ST6GALNAC3: variants seen among roughly 807,000 people sequenced by gnomAD.
The protein encoded by ST6GALNAC3 is ST6 N-acetylgalactosaminide alpha-2,6-sialyltransferase 3, also known as alpha-N-acetylgalactosaminide alpha-2,6-sialyltransferase 3.
ST6GALNAC3 carries 25 observed loss-of-function variants against 32.7 expected under a neutral mutation model. That is an observed-to-expected ratio of 0.76 (90% CI 0.56 to 1.07). ST6GALNAC3 has a LOEUF of 1.07. Among genes scored for constraint, ST6GALNAC3 ranks in the 50% least tolerant of loss-of-function variants. The pLI is 0.00. For synonymous variants in ST6GALNAC3, 129 were observed against 133.1 expected (o/e 0.97, Z 0.21); for missense variants, 355 against 382.4 (o/e 0.93, Z 0.60).
intron 1 of ST6GALNAC3, among the ~76,000 whole-genome samples, chr1:76,166,412 CA>C (rs1384162058): frequency 6.6e-6 from 1 of 151,952 alleles, no homozygotes; most frequent in South Asian, 2.1e-4. Flanking sequence ...CTGTGTAGTA[CA>C]GTTTGAAGTC....
At chr1:76,283,210 ATAT>A (rs1659597071) in intron 1 of ST6GALNAC3, among the ~76,000 whole-genome samples, 2 of 151,990 alleles carry the variant, frequency 1.3e-5, no homozygotes, top group South Asian at 2.1e-4. Context: ...GTTTGTTTCT[ATAT>A]TATTATTTGT....
At chr1:76,137,438 G>A (rs1351156324) in intron 1 of ST6GALNAC3, among the ~76,000 whole-genome samples, 1 of 152,142 alleles carries the variant, frequency 6.6e-6, no homozygotes, top group African/African-American at 2.4e-5. Flanking sequence ...ACATTTCTGG[G>A]AGGCAGGTGA....
rs1570408908 is a variant in ST6GALNAC3 at position 76,200,080 on chromosome 1, C to T, written c.19-113725C>T. On this transcript the variant is annotated intron_variant, in intron 1 of 4. Coordinates refer to ENST00000328299, the MANE Select transcript of ST6GALNAC3 (RefSeq NM_152996.4). Reference sequence around the variant, plus strand: ...TCTCTTTCCTGGTAATTTCACACTGCCCAACTATGCACATGGTAAGTATGG... The same window carrying T: ...TCTCTTTCCTGGTAATTTCACACTGTCCAACTATGCACATGGTAAGTATGG... 2.0e-5 allele frequency among the ~76,000 whole-genome samples: 3 copies of T among 152,276 alleles called. No homozygotes were observed. The South Asian group carries it at 6.2e-4, about 32-fold the overall frequency.
At chr1:76,582,341 C>T (rs1172639529) in intron 3 of ST6GALNAC3, among the ~76,000 whole-genome samples, 1 of 152,100 alleles carries the variant, frequency 6.6e-6, no homozygotes, top group East Asian at 1.9e-4. Flanking sequence ...AACTTGGTGG[C>T]TGGGTTCTGA....
rs576790244 is a variant in ST6GALNAC3 at position 76,465,834 on chromosome 1, A to G, written c.623+53417A>G. 5.3e-5 allele frequency among the ~76,000 whole-genome samples: 8 copies of G among 151,762 alleles called. No individual in the cohort carries two copies. In the South Asian group the frequency reaches 1.5e-3, roughly 28 times the overall value. On this transcript the variant is annotated intron_variant, in intron 3 of 4. Transcript: ENST00000328299. ...GCATTTTCTTGGTTTTCTGTGAGGC[A>G]TTAGGAAAGGATAAATCATGACGTT...
chr1:76,624,641 G>A (rs967050651), intron 3 of ST6GALNAC3, among the ~76,000 whole-genome samples: 12 of 151,750 alleles, frequency 7.9e-5, no homozygotes, highest in African/African-American at 2.9e-4. Flanking sequence ...TCCTAATTAT[G>A]ATTTTTTTTT....
intron 1 of ST6GALNAC3, among the ~76,000 whole-genome samples, chr1:76,210,320 T>C (rs924012605): frequency 4.6e-5 from 7 of 152,294 alleles, no homozygotes; most frequent in African/African-American, 1.7e-4. Context: ...TTTTTTGGGT[T>C]TTCCTTCCCC....
At chr1:76,506,605 G>A (rs546219584) in intron 3 of ST6GALNAC3, among the ~76,000 whole-genome samples, 2 of 152,256 alleles carry the variant, frequency 1.3e-5, no homozygotes, top group East Asian at 1.9e-4. Context: ...GGAATATATC[G>A]ACATGCTTTT....
At chr1:76,559,106 C>G (rs1296149287) in intron 3 of ST6GALNAC3, among the ~76,000 whole-genome samples, 2 of 151,984 alleles carry the variant, frequency 1.3e-5, no homozygotes, top group African/African-American at 4.8e-5. Context: ...CTTTTTCTCT[C>G]TTTACTTGGA....
intron 3 of ST6GALNAC3, chr1:76,576,875 C>T (rs1461126510): frequency 1.2e-5 from 16 of 1,304,640 alleles, no homozygotes; most frequent in East Asian, 5.6e-5. Flanking sequence ...GTTGATTGAT[C>T]GAACAGCAAC....
intron 1 of ST6GALNAC3, among the ~76,000 whole-genome samples, chr1:76,134,974 C>T (rs1390181629): frequency 6.6e-6 from 1 of 152,126 alleles, no homozygotes; most frequent in Non-Finnish European, 1.5e-5. Flanking sequence ...AAAACCCTAT[C>T]TCTACTAAAA....
chr1:76,301,666 CTG>C (rs1660732263), intron 1 of ST6GALNAC3, among the ~76,000 whole-genome samples: 1 of 151,854 alleles, frequency 6.6e-6, no homozygotes, highest in African/African-American at 2.4e-5. Context: ...CGGTGAAAGA[CTG>C]TTTAACATGC....
chr1:76,389,269 C>A (rs1652345348), intron 2 of ST6GALNAC3, among the ~76,000 whole-genome samples: 3 of 151,908 alleles, frequency 2.0e-5, no homozygotes, highest in Non-Finnish European at 4.4e-5. Flanking sequence ...TAGTCTCAGT[C>A]CTGAGGCTGA....
At chr1:76,212,369 A>G (rs1387226698) in intron 1 of ST6GALNAC3, among the ~76,000 whole-genome samples, 1 of 152,180 alleles carries the variant, frequency 6.6e-6, no homozygotes, top group Non-Finnish European at 1.5e-5. Flanking sequence ...CATAAGCAGC[A>G]TTCTCAAAGG....
intron 2 of ST6GALNAC3, among the ~76,000 whole-genome samples, chr1:76,386,241 T>C (rs1362765929): frequency 1.3e-5 from 2 of 152,156 alleles, no homozygotes; most frequent in African/African-American, 2.4e-5. Context: ...GTGGCTTAAC[T>C]TGTAAGGCTA....
intron 3 of ST6GALNAC3, among the ~76,000 whole-genome samples, chr1:76,612,123 C>T (rs558559826): frequency 4.6e-5 from 7 of 152,292 alleles, no homozygotes; most frequent in African/African-American, 1.7e-4. Flanking sequence ...TACCCCTTTC[C>T]CTGCCTCCCC....
chr1:76,447,854 G>A (rs1056432560), intron 3 of ST6GALNAC3, among the ~76,000 whole-genome samples: 12 of 152,168 alleles, frequency 7.9e-5, no homozygotes, highest in African/African-American at 1.7e-4. Flanking sequence ...GGATGCCCAG[G>A]CAAAAGTTTG....
At chr1:76,412,465 C>G (rs1183474356) in intron 3 of ST6GALNAC3, 48 bp downstream of exon 3, 2 of 1,519,308 alleles carry the variant, frequency 1.3e-6, no homozygotes, top group Non-Finnish European at 1.8e-6. Flanking sequence ...ATCTTTTATG[C>G]TAAATCTTCG....
chr1:76,074,919 T>G (rs1289760480), intron 1 of ST6GALNAC3, 35 bp downstream of exon 1: 2 of 1,579,184 alleles, frequency 1.3e-6, no homozygotes, highest in Non-Finnish European at 1.7e-6. Context: ...GACGCGTGGT[T>G]GGCCAGCCCC....
Sources: gnomAD v4.1 joint callset for allele counts (sites outside exome capture counted in the v4.1 genomes callset) on GRCh38, gnomAD v4.1.1 for gene constraint, MANE v1.5 for transcripts, NCBI Gene and HGNC (gene_info 2026-07-23, HGNC 2026-07-21) for gene names.